ARL3: variants seen among roughly 807,000 people sequenced by gnomAD.
ARL3 encodes ARF like GTPase 3, also known as ADP-ribosylation factor-like protein 3.
Under a neutral mutation model 26.0 loss-of-function variants are expected in ARL3, and 9 were observed. The ratio of observed to expected loss-of-function variants is 0.35; its 90% CI spans 0.21 to 0.60. The LOEUF (loss-of-function observed/expected upper bound fraction) is 0.60. Ranked by LOEUF, ARL3 falls within the 20% of genes least tolerant of loss-of-function variation. The pLI, the probability that ARL3 is intolerant of heterozygous loss-of-function variation, is 0.78. For missense variants in ARL3, 158 were observed against 215.7 expected (o/e 0.73, Z 1.67); for synonymous variants, 71 against 78.4 (o/e 0.91, Z 0.50).
At chr10:102,687,929 GTGTGTGTGTGTA>G (rs1236154123) in intron 4 of ARL3, among the ~76,000 whole-genome samples, 2 of 151,484 alleles carry the variant, frequency 1.3e-5, no homozygotes, top group Non-Finnish European at 3.0e-5. Context: ...TTCAATGCGT[GTGTGTGTGTGTA>G]TGTGTGTGTG....
intron 3 of ARL3, among the ~76,000 whole-genome samples, chr10:102,690,280 G>C (rs142998265): frequency 8.1e-5 from 12 of 148,568 alleles, no homozygotes; most frequent in African/African-American, 2.7e-4. Flanking sequence ...CTACAATATA[G>C]ATTTCACTAT....
At chr10:102,710,135 A>C (rs2064330473) in intron 1 of ARL3, among the ~76,000 whole-genome samples, 1 of 152,274 alleles carries the variant, frequency 6.6e-6, no homozygotes, top group Non-Finnish European at 1.5e-5. Context: ...TTAGGAAATA[A>C]TAACTTCAGA....
chr10:102,698,293 C>T (rs568985823), intron 3 of ARL3, among the ~76,000 whole-genome samples: 32 of 152,058 alleles, frequency 2.1e-4, no homozygotes, highest in African/African-American at 7.0e-4. Flanking sequence ...CTGCAACCTC[C>T]GCCTCCTGGG....
chr10:102,674,050 CA>C lies in ARL3; in HGVS notation c.*2843del, dbSNP rs966113364. ...CAGGCCAGGCCGGATAAGGAGCGGC[CA>C]ACAGTGAGGGTGGGGCGCAGAGTGG... On this transcript the variant is annotated 3_prime_UTR_variant, in exon 6 of 6. Transcript: ENST00000260746. 4 of 152,304 alleles carry C rather than the reference CA, an allele frequency of 2.6e-5. No individual in the cohort carries two copies. The highest frequency in any genetic ancestry group is 9.7e-5 in the African/African-American group (4 of 41,314). The allele number at this position is 152,304 out of a possible 1,614,324, so 9.4% of individuals were successfully genotyped here.
chr10:102,710,952 A>C (rs1267085312), intron 1 of ARL3, among the ~76,000 whole-genome samples: 1 of 152,244 alleles, frequency 6.6e-6, no homozygotes, highest in Non-Finnish European at 1.5e-5. Context: ...TGGTGGAGGG[A>C]GAAGGAATGC....
At chr10:102,679,145 T>A (rs2064143461) in intron 5 of ARL3, among the ~76,000 whole-genome samples, 1 of 152,066 alleles carries the variant, frequency 6.6e-6, no homozygotes, top group Non-Finnish European at 1.5e-5. Flanking sequence ...AGAACTGGGC[T>A]GGAGGTGGGA....
chr10:102,687,404 TA>T (rs1268440974), intron 4 of ARL3, among the ~76,000 whole-genome samples: 3 of 151,462 alleles, frequency 2.0e-5, no homozygotes, highest in Non-Finnish European at 4.4e-5. Flanking sequence ...CCCAGCTAAT[TA>T]AAAAAAAATT....
rs1054732907 is a variant in ARL3 at position 102,673,906 on chromosome 10, A to T, written c.*2988T>A. On this transcript the variant is annotated 3_prime_UTR_variant, in exon 6 of 6. Coordinates refer to ENST00000260746, the MANE Select transcript of ARL3 (RefSeq NM_004311.4). ...AACCCTGAAACCACATGGAGTGCAG[A>T]GCTAAAAATAAAAGGAAGTAAGAAC... 6.6e-6 allele frequency: 1 copy of T among 152,568 alleles called. No individual in the cohort carries two copies. The highest frequency in any genetic ancestry group is 1.5e-5 in the Non-Finnish European group (1 of 68,038). The allele number at this position is 152,568 out of a possible 1,614,324, so 9.5% of individuals were successfully genotyped here.
At chr10:102,694,980 A>G (rs1487692655) in intron 3 of ARL3, among the ~76,000 whole-genome samples, 1 of 152,082 alleles carries the variant, frequency 6.6e-6, no homozygotes, top group Non-Finnish European at 1.5e-5. Flanking sequence ...CAGCCTCCCA[A>G]AGTGTTGGGA....
chr10:102,679,067 C>A (rs910396635), intron 5 of ARL3, among the ~76,000 whole-genome samples: 1 of 152,178 alleles, frequency 6.6e-6, no homozygotes, highest in African/African-American at 2.4e-5. Flanking sequence ...GCCCTGGGCC[C>A]GGGAGGCCCC....
At chr10:102,691,654 C>G (rs1049513145) in intron 3 of ARL3, among the ~76,000 whole-genome samples, 18 of 152,104 alleles carry the variant, frequency 1.2e-4, no homozygotes, top group African/African-American at 4.1e-4. Flanking sequence ...CTGGAGGCAG[C>G]CTGGATCAAT....
chr10:102,701,863 T>A (rs149654885), intron 2 of ARL3, among the ~76,000 whole-genome samples: 5 of 152,072 alleles, frequency 3.3e-5, no homozygotes, highest in Admixed American at 6.6e-5. Context: ...TATAATAACA[T>A]AGAAAGATGT....
intron 4 of ARL3, among the ~76,000 whole-genome samples, 180 bp downstream of exon 4, chr10:102,689,713 A>G (rs1370362112): frequency 1.3e-5 from 2 of 151,944 alleles, no homozygotes; most frequent in African/African-American, 2.4e-5. Context: ...TGCTAATTCC[A>G]GCTACTCGGG....
chr10:102,700,043 G>A (rs1184184696), intron 2 of ARL3, among the ~76,000 whole-genome samples: 1 of 152,140 alleles, frequency 6.6e-6, no homozygotes, highest in Non-Finnish European at 1.5e-5. Context: ...TTTGTAACTC[G>A]AATATATCAG....
At chr10:102,692,420 T>G (rs2064223064) in intron 3 of ARL3, among the ~76,000 whole-genome samples, 1 of 150,898 alleles carries the variant, frequency 6.6e-6, no homozygotes, top group Admixed American at 6.6e-5. Flanking sequence ...TGTATACACT[T>G]TTGTTTTTTT....
chr10:102,706,099 G>A (rs917512383), intron 1 of ARL3, among the ~76,000 whole-genome samples: 6 of 151,928 alleles, frequency 3.9e-5, no homozygotes, highest in Non-Finnish European at 1.5e-5. Context: ...AACATCTCAT[G>A]TACCCTATAA....
rs932527428 is a variant in ARL3, at chr10:102,675,296, T to C, written c.*1598A>G. 2 of 152,310 alleles carry C rather than the reference T, an allele frequency of 1.3e-5. No individual in the cohort carries two copies. Among genetic ancestry groups the C allele is most frequent in the Non-Finnish European group, 2.9e-5 (2 of 68,090 alleles). 9.4% of individuals were successfully genotyped at this position (152,310 alleles called of 1,614,324 possible). A position where few individuals can be genotyped will look rare whatever the true frequency, so the allele number is the denominator to read the frequency against. On this transcript the variant is annotated 3_prime_UTR_variant, in exon 6 of 6. Transcript: ENST00000260746. ...CGGCTGGCTTTGTTAATGACTTTCA[T>C]GTCAGATCGCTTTTGAAGCTGGCTA...
chr10:102,711,588 A>G (rs977335808), intron 1 of ARL3, among the ~76,000 whole-genome samples: 1 of 151,830 alleles, frequency 6.6e-6, no homozygotes, highest in Non-Finnish European at 1.5e-5. Context: ...CGTCTCTACT[A>G]AAAACACACA....
chr10:102,710,108 A>C (rs1226602018), intron 1 of ARL3, among the ~76,000 whole-genome samples: 1 of 152,226 alleles, frequency 6.6e-6, no homozygotes, highest in African/African-American at 2.4e-5. Flanking sequence ...TACATTTCTA[A>C]TGAGTAATTT....
Sources: allele counts gnomAD v4.1 joint callset (sites outside exome capture counted in the v4.1 genomes callset), GRCh38; gene constraint gnomAD v4.1.1; transcripts MANE v1.5; gene names NCBI Gene and HGNC (gene_info 2026-07-23, HGNC 2026-07-21).